Variants in CD86 observed in about 807,000 individuals in gnomAD.
CD86 encodes T-lymphocyte activation antigen CD86.
Under a neutral mutation model 32.1 loss-of-function variants are expected in CD86, and 11 were observed. That is an observed-to-expected ratio of 0.34 (90% CI 0.22 to 0.57). The LOEUF is 0.57. Among genes scored for constraint, CD86 ranks in the 20% least tolerant of loss-of-function variants. The probability of loss-of-function intolerance (pLI) is 0.86; values close to 1 mark genes in which losing one functional copy is unlikely to be tolerated. For synonymous variants in CD86, 137 were observed against 135.3 expected (o/e 1.01, Z -0.09); for missense variants, 359 against 398.4 (o/e 0.90, Z 0.84).
intron 1 of CD86, among the ~76,000 whole-genome samples, chr3:122,064,117 T>C (rs990042267): frequency 6.6e-6 from 1 of 151,932 alleles, no homozygotes; most frequent in African/African-American, 2.4e-5. Context: ...TTTGAGGCAG[T>C]GCATAAACCA....
chr3:122,061,413 T>C (rs1330120894), intron 1 of CD86, among the ~76,000 whole-genome samples: 2 of 152,148 alleles, frequency 1.3e-5, no homozygotes, highest in African/African-American at 4.8e-5. Context: ...TCAGTAACTT[T>C]TAAAAAGAAA....
chr3:122,103,925 G>T, intron 3 of CD86, 78 bp downstream of exon 3: 1 of 1,166,070 alleles, frequency 8.6e-7, no homozygotes, highest in Non-Finnish European at 1.2e-6. Context: ...AACACTGGAG[G>T]GGGACTTGAG....
chr3:122,101,506 AAAAAAAAATATATATATAT>A (rs1389577565), intron 2 of CD86, among the ~76,000 whole-genome samples: 1 of 57,158 alleles, frequency 1.7e-5, no homozygotes, highest in Non-Finnish European at 3.8e-5. Context: ...AAAAAAAAAA[AAAAAAAAATATATATATAT>A]ATATATATAT....
chr3:122,088,212 A>G (rs568716265), intron 1 of CD86, among the ~76,000 whole-genome samples: 23 of 138,320 alleles, frequency 1.7e-4, no homozygotes, highest in African/African-American at 6.1e-4. Flanking sequence ...TGTAGTAGCC[A>G]GCCTAATGAG....
chr3:122,087,897 C>A (rs185280914), intron 1 of CD86, among the ~76,000 whole-genome samples: 3 of 152,216 alleles, frequency 2.0e-5, no homozygotes, highest in East Asian at 3.9e-4. Flanking sequence ...ACTGAGAAAT[C>A]AAAAATGGTA....
intron 5 of CD86, among the ~76,000 whole-genome samples, chr3:122,113,149 G>T (rs1350063376): frequency 6.6e-6 from 1 of 152,122 alleles, no homozygotes; most frequent in Non-Finnish European, 1.5e-5. Context: ...AATGGTCTCT[G>T]GTTCCATCAA....
chr3:122,110,855 T>C (rs1370285755), intron 5 of CD86, among the ~76,000 whole-genome samples: 1 of 152,200 alleles, frequency 6.6e-6, no homozygotes, highest in Non-Finnish European at 1.5e-5. Context: ...GTGACTTACA[T>C]CTTGGGAATA....
At chr3:122,059,855 AAC>A (rs1312594540) in intron 1 of CD86, among the ~76,000 whole-genome samples, 1 of 152,154 alleles carries the variant, frequency 6.6e-6, no homozygotes, top group Non-Finnish European at 1.5e-5. Flanking sequence ...AAGGAAGGGA[AAC>A]ACACAGCGGA....
chr3:122,059,840 A>T (rs34974842), intron 1 of CD86, among the ~76,000 whole-genome samples: 133 of 152,252 alleles, frequency 8.7e-4, no homozygotes, highest in Non-Finnish European at 1.6e-3. Flanking sequence ...TGTTGTGCTT[A>T]TTGTAAGGAA....
intron 2 of CD86, among the ~76,000 whole-genome samples, chr3:122,101,266 T>C (rs147509049): frequency 2.6e-5 from 4 of 151,944 alleles, no homozygotes; most frequent in African/African-American, 7.2e-5. Flanking sequence ...AATCAGTAAG[T>C]CTTGGGTGGG....
chr3:122,091,896 C>A, intron 2 of CD86: 1 of 499,244 alleles, frequency 2.0e-6, no homozygotes, highest in East Asian at 3.4e-5. Flanking sequence ...AGTCTCACAT[C>A]AGTGAGCCTA....
chr3:122,091,584 T>A lies in CD86; in HGVS notation c.15-17T>A. 6.2e-7 allele frequency: 1 copy of A among 1,604,510 alleles called. No homozygotes were observed. The highest frequency in any genetic ancestry group is 8.5e-7 in the Non-Finnish European group (1 of 1,171,534). ...CCTTTTCTAATCAAGTTTTACCTTT[T>A]TTTTTCTCGACTCTAGCACTATGGG... On this transcript the variant is annotated splice_polypyrimidine_tract_variant and intron_variant, in intron 1 of 6. Transcript: ENST00000330540.
intron 2 of CD86, among the ~76,000 whole-genome samples, chr3:122,095,684 A>T (rs1355945899): frequency 2.6e-5 from 4 of 152,194 alleles, no homozygotes; most frequent in African/African-American, 9.6e-5. Flanking sequence ...AAGAATTGTC[A>T]TGGAGCCTAA....
At chr3:122,115,022 G>A (rs2073229075) in intron 5 of CD86, among the ~76,000 whole-genome samples, 1 of 152,108 alleles carries the variant, frequency 6.6e-6, no homozygotes, top group Non-Finnish European at 1.5e-5. Context: ...CATAGCCAGA[G>A]AAACAAGACT....
chr3:122,059,148 G>A (rs190671596), intron 1 of CD86, among the ~76,000 whole-genome samples: 27 of 152,276 alleles, frequency 1.8e-4, no homozygotes, highest in African/African-American at 6.5e-4. Flanking sequence ...AGATATTTAG[G>A]TGCAAGTTCA....
At chr3:122,064,161 C>T (rs1363739706) in intron 1 of CD86, among the ~76,000 whole-genome samples, 2 of 151,622 alleles carry the variant, frequency 1.3e-5, no homozygotes, top group African/African-American at 4.9e-5. Context: ...ACAGTTGTGA[C>T]ACAGGGTTGA....
intron 1 of CD86, among the ~76,000 whole-genome samples, chr3:122,074,208 AC>A (rs762546906): frequency 3.9e-5 from 6 of 152,204 alleles, no homozygotes; most frequent in Non-Finnish European, 8.8e-5. Flanking sequence ...TGAGGTTGCT[AC>A]CCCCTCGGGA....
intron 1 of CD86, among the ~76,000 whole-genome samples, chr3:122,069,736 G>C (rs1297217896): frequency 6.6e-6 from 1 of 152,090 alleles, no homozygotes; most frequent in Non-Finnish European, 1.5e-5. Context: ...CTTCTCAGGA[G>C]CTCCTGATTC....
At chr3:122,110,163 A>G (rs756505041) in intron 5 of CD86, among the ~76,000 whole-genome samples, 1 of 152,224 alleles carries the variant, frequency 6.6e-6, no homozygotes, top group Non-Finnish European at 1.5e-5. Context: ...ATCATTCTAC[A>G]GCATCATTTT....
Sources: gnomAD v4.1 joint callset for allele counts (sites outside exome capture counted in the v4.1 genomes callset) on GRCh38, gnomAD v4.1.1 for gene constraint, MANE v1.5 for transcripts, NCBI Gene and HGNC (gene_info 2026-07-23, HGNC 2026-07-21) for gene names.